Variants in NR2F1-AS1 observed in about 807,000 individuals in gnomAD.
The protein encoded by NR2F1-AS1 is NR2F1 regulatory antisense RNA 1, also known as NR2F1 antisense RNA 1.
intron 4 of NR2F1-AS1, among the ~76,000 whole-genome samples, chr5:93,433,702 GCTTC>G (rs1009148445): frequency 5.3e-5 from 8 of 152,140 alleles, no homozygotes; most frequent in African/African-American, 1.9e-4. Context: ...GCTTTTGACT[GCTTC>G]CTTGTCTATT....
intron 4 of NR2F1-AS1, among the ~76,000 whole-genome samples, chr5:93,417,013 G>T (rs1748981665): frequency 6.6e-6 from 1 of 152,132 alleles, no homozygotes; most frequent in Non-Finnish European, 1.5e-5. Flanking sequence ...CCATTTTACA[G>T]ATGGGGGAAA....
intron 1 of NR2F1-AS1, among the ~76,000 whole-genome samples, chr5:93,565,649 CT>C (rs1292596761): frequency 6.6e-6 from 1 of 151,660 alleles, no homozygotes; most frequent in African/African-American, 2.4e-5. Flanking sequence ...ACTTTCTAGT[CT>C]TTTTTTATGT....
intron 4 of NR2F1-AS1, among the ~76,000 whole-genome samples, chr5:93,528,829 A>G (rs184228369): frequency 6.8e-4 from 104 of 151,968 alleles, no homozygotes; most frequent in African/African-American, 2.2e-3. Context: ...GTTCTCACTC[A>G]TAAGTGGGAA....
intron 4 of NR2F1-AS1, among the ~76,000 whole-genome samples, chr5:93,495,337 G>T (rs1750937053): frequency 6.6e-6 from 1 of 150,986 alleles, no homozygotes; most frequent in Admixed American, 6.6e-5. Flanking sequence ...CTTGATTTTT[G>T]TCTTTTCTCA....
At chr5:93,410,382 T>A (rs1748828381) in intron 4 of NR2F1-AS1, 1 of 152,238 alleles carries the variant, frequency 6.6e-6, no homozygotes, top group Non-Finnish European at 1.5e-5. Flanking sequence ...TGCAGACTAG[T>A]ACCCGTCTGT....
At chr5:93,557,455 C>T (rs554023977) in intron 2 of NR2F1-AS1, among the ~76,000 whole-genome samples, 1 of 152,220 alleles carries the variant, frequency 6.6e-6, no homozygotes, top group South Asian at 2.1e-4. Flanking sequence ...GCAAGTCACA[C>T]AAATTTTGTT....
intron 4 of NR2F1-AS1, among the ~76,000 whole-genome samples, chr5:93,446,300 C>A (rs1188202521): frequency 6.6e-6 from 1 of 152,148 alleles, no homozygotes; most frequent in Non-Finnish European, 1.5e-5. Context: ...ATTTAGAAAA[C>A]CCCATCGTCT....
At chr5:93,534,942 G>T (rs1751809132) in intron 4 of NR2F1-AS1, among the ~76,000 whole-genome samples, 1 of 152,126 alleles carries the variant, frequency 6.6e-6, no homozygotes. Context: ...TTGTCCAAAA[G>T]CCAAAAACTA....
intron 4 of NR2F1-AS1, among the ~76,000 whole-genome samples, chr5:93,538,151 T>C (rs940362894): frequency 6.6e-6 from 1 of 152,090 alleles, no homozygotes; most frequent in Non-Finnish European, 1.5e-5. Context: ...GGAAAATGAA[T>C]GAATGAATGA....
intron 4 of NR2F1-AS1, among the ~76,000 whole-genome samples, chr5:93,478,614 G>A (rs561799583): frequency 6.6e-6 from 1 of 152,146 alleles, no homozygotes; most frequent in East Asian, 1.9e-4. Flanking sequence ...ATGTTGGTCA[G>A]GCTGGTCTCA....
chr5:93,440,882 C>G (rs1031526467), intron 4 of NR2F1-AS1, among the ~76,000 whole-genome samples: 2 of 152,090 alleles, frequency 1.3e-5, no homozygotes, highest in Non-Finnish European at 2.9e-5. Flanking sequence ...ACATTTCTTA[C>G]AACTGGAAAG....
chr5:93,561,245 G>A (rs954992033), intron 2 of NR2F1-AS1, among the ~76,000 whole-genome samples: 5 of 144,670 alleles, frequency 3.5e-5, no homozygotes, highest in South Asian at 2.1e-4. Flanking sequence ...CAACAAGAAC[G>A]AAACTCCATC....
At chr5:93,510,915 G>C (rs1751281698) in intron 4 of NR2F1-AS1, among the ~76,000 whole-genome samples, 1 of 152,154 alleles carries the variant, frequency 6.6e-6, no homozygotes, top group Non-Finnish European at 1.5e-5. Context: ...TACATAATAA[G>C]GCTTTGGGTT....
intron 4 of NR2F1-AS1, among the ~76,000 whole-genome samples, chr5:93,512,252 GT>G (rs1257557055): frequency 2.0e-5 from 3 of 152,036 alleles, no homozygotes; most frequent in African/African-American, 7.2e-5. Context: ...TTGTATCTTA[GT>G]TTTTAATAAA....
intron 2 of NR2F1-AS1, among the ~76,000 whole-genome samples, chr5:93,556,711 T>C (rs1465183958): frequency 1.3e-5 from 2 of 152,062 alleles, no homozygotes; most frequent in Non-Finnish European, 2.9e-5. Flanking sequence ...AGCCACAAAA[T>C]GTCAAAGATT....
At position 93,569,085 on chromosome 5, in the gene NR2F1-AS1, C is replaced by T. The variant is rs577505868; in HGVS notation, n.314-5622G>A. Among the ~76,000 whole-genome samples, 40 of 152,254 alleles carry T rather than the reference C, an allele frequency of 2.6e-4. No individual in the cohort carries two copies. In the South Asian group the frequency reaches 8.3e-3, roughly 32 times the overall value. On this transcript the variant is annotated intron_variant and non_coding_transcript_variant, in intron 1 of 5. Transcript: ENST00000660523. ...TTTCTCCCAGTATCCACTCTAGTCT[C>T]TCCTCATAGGTTTGAGGTACACACG...
At chr5:93,502,336 T>C (rs1428029502) in intron 4 of NR2F1-AS1, among the ~76,000 whole-genome samples, 1 of 152,104 alleles carries the variant, frequency 6.6e-6, no homozygotes, top group East Asian at 1.9e-4. Context: ...CACAGAGAAA[T>C]GCTAGAAAAC....
At chr5:93,582,727 G>C (rs1286638473), upstream of NR2F1-AS1, among the ~76,000 whole-genome samples, 1 of 152,074 alleles carries the variant, frequency 6.6e-6, no homozygotes, top group Non-Finnish European at 1.5e-5. Flanking sequence ...ATCGCTAGGC[G>C]TTCTCCCCCT....
intron 4 of NR2F1-AS1, among the ~76,000 whole-genome samples, chr5:93,461,529 G>A (rs1750092751): frequency 6.6e-6 from 1 of 152,002 alleles, no homozygotes; most frequent in African/African-American, 2.4e-5. Flanking sequence ...AGTCACCTGG[G>A]AAGAACAGGG....
Sources: allele counts gnomAD v4.1 joint callset (sites outside exome capture counted in the v4.1 genomes callset), GRCh38; gene constraint gnomAD v4.1.1; transcripts MANE v1.5; gene names NCBI Gene and HGNC (gene_info 2026-07-23, HGNC 2026-07-21).